Variants in ITGBL1 observed in about 807,000 individuals in gnomAD.
ITGBL1 encodes integrin beta-like protein 1.
A neutral mutation model predicts 68.5 loss-of-function variants in ITGBL1; 51 were observed. The observed-to-expected ratio is 0.74, with a 90% confidence interval of 0.59 to 0.94. The LOEUF (loss-of-function observed/expected upper bound fraction) is 0.94, where lower values mean the gene tolerates loss of function less well. Ranked by LOEUF, ITGBL1 falls within the 40% of genes least tolerant of loss-of-function variation. The pLI is 0.00. For synonymous variants in ITGBL1, 209 were observed against 227.3 expected (o/e 0.92, Z 0.72); for missense variants, 649 against 647.4 (o/e 1.00, Z -0.03).
intron 7 of ITGBL1, among the ~76,000 whole-genome samples, chr13:101,666,353 A>T (rs2033217069): frequency 6.6e-6 from 1 of 151,954 alleles, no homozygotes; most frequent in African/African-American, 2.4e-5. Context: ...TTGACTTGGG[A>T]CCGCACTGGT....
chr13:101,631,505 A>G (rs2031977413), intron 7 of ITGBL1, among the ~76,000 whole-genome samples: 1 of 152,170 alleles, frequency 6.6e-6, no homozygotes, highest in African/African-American at 2.4e-5. Context: ...ACACAGAGAA[A>G]CTGCAGAAGA....
At chr13:101,511,072 C>T (rs1479891777) in intron 2 of ITGBL1, among the ~76,000 whole-genome samples, 1 of 151,860 alleles carries the variant, frequency 6.6e-6, no homozygotes, top group Non-Finnish European at 1.5e-5. Context: ...AATCCTTTAC[C>T]AAGCTTGATG....
At chr13:101,584,330 C>A (rs1400424270) in intron 6 of ITGBL1, among the ~76,000 whole-genome samples, 1 of 152,122 alleles carries the variant, frequency 6.6e-6, no homozygotes, top group Non-Finnish European at 1.5e-5. Flanking sequence ...AGTCAGAAGT[C>A]TATCTGAAAA....
intron 6 of ITGBL1, among the ~76,000 whole-genome samples, chr13:101,589,950 G>A (rs905806525): frequency 1.3e-5 from 2 of 152,190 alleles, no homozygotes; most frequent in East Asian, 1.9e-4. Flanking sequence ...ATAGCAATGG[G>A]ATATAAAAAT....
At chr13:101,585,238 A>T (rs2050532008) in intron 6 of ITGBL1, among the ~76,000 whole-genome samples, 1 of 152,176 alleles carries the variant, frequency 6.6e-6, no homozygotes, top group Non-Finnish European at 1.5e-5. Flanking sequence ...GAAATAGGGA[A>T]TATGGAAGGA....
chr13:101,499,233 C>A (rs193059959), intron 2 of ITGBL1, among the ~76,000 whole-genome samples: 1 of 152,322 alleles, frequency 6.6e-6, no homozygotes, highest in East Asian at 1.9e-4. Context: ...CAGACTCCTG[C>A]ATTTGCCACA....
At chr13:101,637,806 A>C (rs1410207756) in intron 7 of ITGBL1, among the ~76,000 whole-genome samples, 1 of 152,164 alleles carries the variant, frequency 6.6e-6, no homozygotes, top group Non-Finnish European at 1.5e-5. Context: ...GTACACTTTC[A>C]CATTGTCCAG....
At chr13:101,634,587 G>C (rs1238248888) in intron 7 of ITGBL1, among the ~76,000 whole-genome samples, 1 of 152,098 alleles carries the variant, frequency 6.6e-6, no homozygotes, top group Admixed American at 6.6e-5. Context: ...AGTCATTTGG[G>C]ACTAGCTTTC....
At chr13:101,601,298 T>G (rs994968215) in intron 7 of ITGBL1, among the ~76,000 whole-genome samples, 5 of 152,206 alleles carry the variant, frequency 3.3e-5, no homozygotes, top group African/African-American at 9.7e-5. Flanking sequence ...TTGTCATTTT[T>G]TATTGAGTCT....
At chr13:101,485,206 G>A (rs2048683830) in intron 2 of ITGBL1, among the ~76,000 whole-genome samples, 1 of 152,180 alleles carries the variant, frequency 6.6e-6, no homozygotes, top group East Asian at 1.9e-4. Flanking sequence ...TAGAAGAAAT[G>A]CTAGAGGAAG....
intron 7 of ITGBL1, among the ~76,000 whole-genome samples, chr13:101,602,304 G>T (rs769673196): frequency 1.6e-4 from 25 of 152,088 alleles, no homozygotes; most frequent in Admixed American, 2.6e-4. Flanking sequence ...GTAGCCTCAG[G>T]TGTGTTCTTG....
chr13:101,604,887 T>TATATACACATACATACACAC lies in ITGBL1; in HGVS notation c.1015+6589_1015+6590insTATACACATACATACACACA. On this transcript the variant is annotated intron_variant, in intron 7 of 10. Coordinates refer to ENST00000376180, the MANE Select transcript of ITGBL1 (RefSeq NM_004791.3). The stretch of plus-strand genomic sequence containing the variant: ...ATATATATATATATATATATATATA[T>TATATACACATACATACACAC]ACACACACACACACATATATATGTG... Among the ~76,000 whole-genome samples, 119 of 22,122 alleles carry TATATACACATACATACACAC rather than the reference T, an allele frequency of 5.4e-3. 2 individuals carry two copies. The highest frequency in any genetic ancestry group is 8.3e-3 in the African/African-American group (55 of 6,604). The allele number at this position is 22,122 out of a possible 152,430, so 14.5% of individuals were successfully genotyped here. A position where few individuals can be genotyped will look rare whatever the true frequency, so the allele number is the denominator to read the frequency against.
At position 101,614,782 on chromosome 13, in the gene ITGBL1, A is replaced by G. The variant is rs569153051; in HGVS notation, c.1015+16483A>G. 1.9e-4 allele frequency among the ~76,000 whole-genome samples: 29 copies of G among 152,246 alleles called. 1 individual carries two copies. Among genetic ancestry groups the G allele is most frequent in the Admixed American group, 1.8e-3 (27 of 15,288 alleles). ...TCCAGAGAGAGGCTCCTCAGGACCAATGCTGGGAGATAGCCCAGAGAGAGT... is the reference window on the plus strand; with the variant it reads ...TCCAGAGAGAGGCTCCTCAGGACCAGTGCTGGGAGATAGCCCAGAGAGAGT... On this transcript the variant is annotated intron_variant, in intron 7 of 10. Coordinates refer to ENST00000376180, the MANE Select transcript of ITGBL1 (RefSeq NM_004791.3).
At chr13:101,459,731 C>T (rs865977300) in intron 2 of ITGBL1, among the ~76,000 whole-genome samples, 6 of 151,826 alleles carry the variant, frequency 4.0e-5, no homozygotes, top group Non-Finnish European at 5.9e-5. Flanking sequence ...CAGAGGGAGG[C>T]CCTGTTTCAA....
intron 6 of ITGBL1, 52 bp from the exon 7 acceptor site, chr13:101,598,101 A>T (rs2030095343): frequency 6.6e-7 from 1 of 1,506,360 alleles, no homozygotes; most frequent in Non-Finnish European, 9.0e-7. Context: ...AACTAATTCC[A>T]ACTTCATTAT....
At chr13:101,693,906 C>T (rs1288950475) in intron 8 of ITGBL1, among the ~76,000 whole-genome samples, 2 of 152,174 alleles carry the variant, frequency 1.3e-5, no homozygotes, top group African/African-American at 4.8e-5. Flanking sequence ...CTCCCACATG[C>T]TTAGCGTCCC....
chr13:101,614,466 T>C (rs983169067), intron 7 of ITGBL1, among the ~76,000 whole-genome samples: 2 of 152,218 alleles, frequency 1.3e-5, no homozygotes, highest in African/African-American at 4.8e-5. Context: ...TTTTCCTTGT[T>C]AATGAAACTA....
At chr13:101,653,542 A>G (rs1012908132) in intron 7 of ITGBL1, among the ~76,000 whole-genome samples, 5 of 152,238 alleles carry the variant, frequency 3.3e-5, no homozygotes, top group African/African-American at 1.2e-4. Flanking sequence ...GGTGTTCAAA[A>G]TAGAATCTTT....
At chr13:101,498,406 T>C (rs1364214628) in intron 2 of ITGBL1, among the ~76,000 whole-genome samples, 2 of 152,216 alleles carry the variant, frequency 1.3e-5, no homozygotes, top group Admixed American at 1.3e-4. Context: ...ATATTTTTAA[T>C]CATAAATACA....
Sources: gnomAD v4.1 joint callset for allele counts (sites outside exome capture counted in the v4.1 genomes callset) on GRCh38, gnomAD v4.1.1 for gene constraint, MANE v1.5 for transcripts, NCBI Gene and HGNC (gene_info 2026-07-23, HGNC 2026-07-21) for gene names.